CSMD1: variants seen among roughly 807,000 people sequenced by gnomAD.
CSMD1 encodes CUB and Sushi multiple domains 1.
A neutral mutation model predicts 417.5 loss-of-function variants in CSMD1; 213 were observed. The observed-to-expected ratio is 0.51, with a 90% confidence interval of 0.46 to 0.57. The LOEUF (loss-of-function observed/expected upper bound fraction) is 0.57, where lower values mean the gene tolerates loss of function less well. Ranked by LOEUF, CSMD1 falls within the 20% of genes least tolerant of loss-of-function variation. CSMD1 has a pLI of 0.00. For synonymous variants in CSMD1, 2,862 were observed against 1,736.8 expected (o/e 1.65, Z -16.11); for missense variants, 6,923 against 4,529.7 (o/e 1.53, Z -15.17).
chr8:3,937,244 T>C (rs926184631), intron 5 of CSMD1, among the ~76,000 whole-genome samples: 2 of 152,116 alleles, frequency 1.3e-5, no homozygotes, highest in African/African-American at 4.8e-5. Context: ...ACTCAGTTAA[T>C]AAAGCAGCAG....
intron 37 of CSMD1, among the ~76,000 whole-genome samples, chr8:3,164,030 C>G (rs892332508): frequency 6.6e-6 from 1 of 152,172 alleles, no homozygotes; most frequent in Admixed American, 6.5e-5. Context: ...AGTGCCGACC[C>G]CAGATCTGCT....
At chr8:2,978,269 G>C (rs1437713499) in intron 55 of CSMD1, among the ~76,000 whole-genome samples, 2 of 152,172 alleles carry the variant, frequency 1.3e-5, no homozygotes, top group Admixed American at 6.5e-5. Context: ...GGAGGTCCTG[G>C]CTGCCGTGTC....
intron 5 of CSMD1, among the ~76,000 whole-genome samples, chr8:3,861,774 C>G (rs1804726652): frequency 6.6e-6 from 1 of 152,064 alleles, no homozygotes; most frequent in South Asian, 2.1e-4. Context: ...TTCTACTGGC[C>G]CACTGAGTAT....
chr8:4,100,384 C>T (rs185131405), intron 3 of CSMD1, among the ~76,000 whole-genome samples: 44 of 152,308 alleles, frequency 2.9e-4, no homozygotes, highest in Admixed American at 8.5e-4. Context: ...TCTCCTTCCA[C>T]CTTCCCTGTG....
At chr8:3,387,831 G>A (rs934202622) in intron 17 of CSMD1, 149 bp from the exon 18 acceptor site, 5 of 634,508 alleles carry the variant, frequency 7.9e-6, no homozygotes, top group Admixed American at 3.2e-5. Context: ...GGACATAAAA[G>A]CCAATGCATC....
At chr8:4,204,487 A>T (rs959223324) in intron 3 of CSMD1, among the ~76,000 whole-genome samples, 1 of 152,188 alleles carries the variant, frequency 6.6e-6, no homozygotes, top group Admixed American at 6.5e-5. Flanking sequence ...TCTAGATTGT[A>T]AAATAAACCA....
At chr8:4,108,595 G>C (rs1035820945) in intron 3 of CSMD1, among the ~76,000 whole-genome samples, 2 of 152,108 alleles carry the variant, frequency 1.3e-5, no homozygotes, top group African/African-American at 4.8e-5. Context: ...TTTCCACACG[G>C]CAACAGCACA....
chr8:3,569,712 G>A (rs866223315), intron 10 of CSMD1, among the ~76,000 whole-genome samples: 1 of 152,072 alleles, frequency 6.6e-6, no homozygotes, highest in African/African-American at 2.4e-5. Context: ...CCACTTACTT[G>A]GAATGTCTCC....
At chr8:3,717,756 T>A (rs1801926441) in intron 6 of CSMD1, among the ~76,000 whole-genome samples, 1 of 152,214 alleles carries the variant, frequency 6.6e-6, no homozygotes, top group Non-Finnish European at 1.5e-5. Flanking sequence ...CTTTATGACC[T>A]CTTTGAACAG....
intron 40 of CSMD1, among the ~76,000 whole-genome samples, chr8:3,143,093 A>C (rs1257589657): frequency 6.6e-6 from 1 of 152,204 alleles, no homozygotes; most frequent in East Asian, 1.9e-4. Context: ...TGATAGCTTT[A>C]TCAAGGAAAA....
chr8:4,569,625 G>A (rs1563295573), intron 2 of CSMD1, among the ~76,000 whole-genome samples: 3 of 152,044 alleles, frequency 2.0e-5, no homozygotes, highest in South Asian at 4.2e-4. Context: ...TTAGCTATAC[G>A]GGCTCTTTTT....
intron 5 of CSMD1, among the ~76,000 whole-genome samples, chr8:3,885,450 C>T (rs758531508): frequency 7.0e-4 from 106 of 152,102 alleles, no homozygotes; most frequent in Non-Finnish European, 1.3e-3. Flanking sequence ...TTGAAAAAAG[C>T]TGAAGTACAA....
intron 5 of CSMD1, among the ~76,000 whole-genome samples, chr8:3,772,280 T>TATTTAGACATACATATGTACATAC (rs1584973820): frequency 1.4e-5 from 2 of 146,458 alleles, no homozygotes; most frequent in East Asian, 3.9e-4. Context: ...TATGTACATA[T>TATTTAGACATACATATGTACATAC]ATTTAGACAT....
intron 1 of CSMD1, among the ~76,000 whole-genome samples, chr8:4,753,811 A>C (rs1391754704): frequency 6.6e-6 from 1 of 152,076 alleles, no homozygotes; most frequent in African/African-American, 2.4e-5. Flanking sequence ...ACTCCATCGC[A>C]CTTTCTTCAT....
intron 42 of CSMD1, among the ~76,000 whole-genome samples, chr8:3,114,796 T>A (rs1020198845): frequency 6.6e-6 from 1 of 152,224 alleles, no homozygotes; most frequent in Non-Finnish European, 1.5e-5. Flanking sequence ...AAAAAATATG[T>A]ATGTAATAAT....
At chr8:4,176,637 A>C (rs922060531) in intron 3 of CSMD1, among the ~76,000 whole-genome samples, 6 of 151,658 alleles carry the variant, frequency 4.0e-5, no homozygotes, top group Non-Finnish European at 8.8e-5. Flanking sequence ...AGACTGGCAA[A>C]TTGGATAAAG....
chr8:3,555,030 C>A lies in CSMD1; in HGVS notation c.1344+19915G>T, dbSNP rs139933674. On this transcript the variant is annotated intron_variant, in intron 10 of 69. Transcript: ENST00000635120. Reference sequence around the variant, plus strand: ...TGAGGAGGAAGGGAAGAAGACTGTGCGTGAGGAGTCCTCCGCCAGGGAAGG... The same window carrying A: ...TGAGGAGGAAGGGAAGAAGACTGTGAGTGAGGAGTCCTCCGCCAGGGAAGG... 5.5e-3 allele frequency among the ~76,000 whole-genome samples: 834 copies of A among 152,158 alleles called. 7 individuals carry two copies. The highest frequency in any genetic ancestry group is 0.01 in the Middle Eastern group (3 of 294).
At chr8:4,657,285 C>G (rs962823257) in intron 1 of CSMD1, among the ~76,000 whole-genome samples, 11 of 152,148 alleles carry the variant, frequency 7.2e-5, no homozygotes, top group Admixed American at 1.3e-4. Flanking sequence ...TGTAAAAAGC[C>G]TGGCGAAGTG....
At position 3,075,278 on chromosome 8, in the gene CSMD1, TTC is replaced by T. The variant is rs773658373; in HGVS notation, c.7474+11817_7474+11818del. 1.3e-4 allele frequency among the ~76,000 whole-genome samples: 5 copies of T among 39,658 alleles called. 1 individual carries two copies. Among genetic ancestry groups the T allele is most frequent in the Admixed American group, 2.6e-4 (1 of 3,806 alleles). The allele number at this position is 39,658 out of a possible 152,430, so 26.0% of individuals were successfully genotyped here. A position where few individuals can be genotyped will look rare whatever the true frequency, so the allele number is the denominator to read the frequency against. Reference sequence around the variant, plus strand: ...TTTCTTTTTCTTTTCTTTTCTTTCTTTCTTTTTTTTTTTTTTTAGATGGAGTT... The same window carrying T: ...TTTCTTTTTCTTTTCTTTTCTTTCTTTTTTTTTTTTTTTTTAGATGGAGTT... On this transcript the variant is annotated intron_variant, in intron 49 of 69. Transcript: ENST00000635120.
Sources: gnomAD v4.1 joint callset for allele counts (sites outside exome capture counted in the v4.1 genomes callset) on GRCh38, gnomAD v4.1.1 for gene constraint, MANE v1.5 for transcripts, NCBI Gene and HGNC (gene_info 2026-07-23, HGNC 2026-07-21) for gene names.